Variants in DMD observed in about 807,000 individuals in gnomAD.
DMD encodes the protein dystrophin, also known as mutant dystrophin.
A neutral mutation model predicts 330.1 loss-of-function variants in DMD; 63 were observed. That is an observed-to-expected ratio of 0.19 (90% CI 0.16 to 0.24). The LOEUF is 0.24. DMD is among the 10% of genes least tolerant of loss of function. DMD has a pLI of 1.00. For missense variants in DMD, 3,344 were observed against 2,684.1 expected, an observed-to-expected ratio of 1.25 and a Z score of -5.43; for synonymous variants, 1,223 against 959.8, an observed-to-expected ratio of 1.27 and a Z score of -5.07.
intron 30 of DMD, among the ~76,000 whole-genome samples, chrX:32,408,532 A>G (rs1172653410): frequency 1.8e-5 from 2 of 111,739 alleles, no homozygotes; most frequent in East Asian, 5.6e-4. Context: ...TGCAGAAAAA[A>G]TAATGCTCTA....
At chrX:32,424,398 AAAGC>A (rs2098202930) in intron 29 of DMD, among the ~76,000 whole-genome samples, 1 of 111,589 alleles carries the variant, frequency 9.0e-6, no homozygotes, top group African/African-American at 3.3e-5. Flanking sequence ...TCTAAATATT[AAAGC>A]ATTTATTGTT....
chrX:31,710,518 C>T (rs2084549032), intron 52 of DMD, among the ~76,000 whole-genome samples: 1 of 111,592 alleles, frequency 9.0e-6, no homozygotes, highest in Non-Finnish European at 1.9e-5. Context: ...AGCATCCTTT[C>T]ATAATGCTTT....
chrX:33,182,394 A>G (rs188071397), intron 1 of DMD, among the ~76,000 whole-genome samples: 1 of 111,145 alleles, frequency 9.0e-6, no homozygotes, highest in Admixed American at 9.6e-5. Flanking sequence ...CCTCCTGAGT[A>G]GGTGGGACTA....
chrX:31,368,975 T>C (rs1443971626), intron 60 of DMD, among the ~76,000 whole-genome samples: 1 of 111,476 alleles, frequency 9.0e-6, no homozygotes, highest in Non-Finnish European at 1.9e-5. Flanking sequence ...TGTGATGAGG[T>C]AACCCCTCAC....
chrX:31,947,058 C>T (rs1274082658), intron 45 of DMD, among the ~76,000 whole-genome samples: 1 of 111,538 alleles, frequency 9.0e-6, no homozygotes, highest in Non-Finnish European at 1.9e-5. Flanking sequence ...AGTAAGATTA[C>T]CTTGTCAAGC....
chrX:32,246,701 T>C (rs1158187000), intron 43 of DMD, among the ~76,000 whole-genome samples: 5 of 103,185 alleles, frequency 4.8e-5, no homozygotes, highest in Non-Finnish European at 9.9e-5. Context: ...GGAGAGTGTA[T>C]GTGTCGAGGA....
chrX:32,978,527 T>C (rs1311649289), intron 2 of DMD, among the ~76,000 whole-genome samples: 3 of 111,987 alleles, frequency 2.7e-5, no homozygotes, highest in Non-Finnish European at 5.6e-5. Context: ...TGGAGTGCAG[T>C]GGTGCAATCT....
intron 45 of DMD, among the ~76,000 whole-genome samples, chrX:31,933,099 A>C (rs1266347196): frequency 8.9e-6 from 1 of 112,218 alleles, no homozygotes; most frequent in African/African-American, 3.2e-5. Flanking sequence ...TATAACCTAA[A>C]GTTACAAGTT....
At position 31,600,170 on chromosome X, in the gene DMD, T is replaced by A. The variant is rs748711529; in HGVS notation, c.8217+27503A>T. Among the ~76,000 whole-genome samples the A allele has an allele frequency of 1.1e-4, 12 of 112,171 alleles. No individual in the cohort carries two copies. The South Asian group carries it at 1.9e-3, about 17-fold the overall frequency. On this transcript the variant is annotated intron_variant, in intron 55 of 78. Coordinates refer to ENST00000357033, the MANE Select transcript of DMD (RefSeq NM_004006.3). The stretch of plus-strand genomic sequence containing the variant: ...CTGATCTCAAACTCCTGGACTCAAG[T>A]GATCTGCCTGCCTCAGCTTCCCAAA...
At chrX:31,801,592 A>T (rs74821017) in intron 50 of DMD, among the ~76,000 whole-genome samples, 29 of 43,063 alleles carry the variant, frequency 6.7e-4, no homozygotes, top group Middle Eastern at 0.013. Context: ...CCCCCCCCCC[A>T]ACACACACAC....
intron 71 of DMD, among the ~76,000 whole-genome samples, chrX:31,174,939 C>T (rs1430568522): frequency 9.0e-6 from 1 of 111,178 alleles, no homozygotes; most frequent in Non-Finnish European, 1.9e-5. Flanking sequence ...GTTATAAAGA[C>T]GTTTAAATTG....
chrX:31,947,146 A>G (rs1407801130), intron 45 of DMD, among the ~76,000 whole-genome samples: 2 of 111,265 alleles, frequency 1.8e-5, no homozygotes, highest in Non-Finnish European at 3.8e-5. Flanking sequence ...TAAAGCTTCT[A>G]TTTATTTATT....
intron 1 of DMD, among the ~76,000 whole-genome samples, chrX:33,080,156 A>G (rs1003533657): frequency 8.9e-6 from 1 of 112,428 alleles, no homozygotes; most frequent in Non-Finnish European, 1.9e-5. Context: ...CAATTTTCTA[A>G]GAAGACCCTG....
At chrX:33,048,912 T>C (rs1208210716) in intron 1 of DMD, among the ~76,000 whole-genome samples, 7 of 110,415 alleles carry the variant, frequency 6.3e-5, no homozygotes, top group Admixed American at 2.9e-4. Context: ...TCATTGGGGA[T>C]TAAAACTGTA....
At chrX:33,222,302 G>A (rs954534503) in intron 1 of DMD, among the ~76,000 whole-genome samples, 9 of 111,883 alleles carry the variant, frequency 8.0e-5, no homozygotes, top group African/African-American at 2.9e-4. Context: ...ATCACACGAT[G>A]TTATCAGTAA....
chrX:32,057,190 T>C (rs1473479600), intron 44 of DMD, among the ~76,000 whole-genome samples: 1 of 111,589 alleles, frequency 9.0e-6, no homozygotes, highest in East Asian at 2.8e-4. Context: ...GAAAATCTTT[T>C]CCCTTAAGAT....
At chrX:32,695,881 C>T (rs945028477) in intron 9 of DMD, among the ~76,000 whole-genome samples, 2 of 111,924 alleles carry the variant, frequency 1.8e-5, no homozygotes, top group African/African-American at 6.5e-5. Context: ...ATGAAAGACA[C>T]AGAATAGTCA....
rs188483973 is a variant in DMD at position 32,144,579 on chromosome X, G to A, written c.6438+72337C>T. Among the ~76,000 whole-genome samples the A allele has an allele frequency of 2.6e-4, 29 of 111,480 alleles. 1 individual carries two copies. In the East Asian group the frequency reaches 7.6e-3, roughly 29 times the overall value. On this transcript the variant is annotated intron_variant, in intron 44 of 78. Transcript: ENST00000357033. ...TTATTATTATGTCCTGTTAAAATAC[G>A]CTTATAAGGAAGACCAAAAAGAGTA... is the stretch of plus-strand genomic sequence containing the variant.
At chrX:32,367,674 T>C (rs2097859115) in intron 34 of DMD, among the ~76,000 whole-genome samples, 1 of 112,211 alleles carries the variant, frequency 8.9e-6, no homozygotes, top group South Asian at 3.7e-4. Flanking sequence ...TGTCAACATC[T>C]GGCCAAATTC....
Sources: allele counts gnomAD v4.1 joint callset (sites outside exome capture counted in the v4.1 genomes callset), GRCh38; gene constraint gnomAD v4.1.1; transcripts MANE v1.5; gene names NCBI Gene and HGNC (gene_info 2026-07-23, HGNC 2026-07-21).